The following LRP6 variants were observed in gnomAD, a reference collection of about 807,000 sequenced individuals.
LRP6 encodes the protein low-density lipoprotein receptor-related protein 6.
In LRP6, 43 loss-of-function variants were observed where a neutral mutation model predicts 184.1. The observed-to-expected ratio is 0.23, with a 90% CI of 0.18 to 0.30. The LOEUF is 0.30. Ranked by LOEUF, LRP6 falls within the 10% of genes least tolerant of loss-of-function variation. LRP6 has a pLI of 1.00. For synonymous variants in LRP6, 719 were observed against 684.9 expected, an observed-to-expected ratio of 1.05 and a Z score of -0.78; for missense variants, 1,571 against 2,005.3, an observed-to-expected ratio of 0.78 and a Z score of 4.14.
At chr12:12,230,026 C>T (rs994306816) in intron 2 of LRP6, among the ~76,000 whole-genome samples, 3 of 152,112 alleles carry the variant, frequency 2.0e-5, no homozygotes, top group Non-Finnish European at 1.5e-5. Flanking sequence ...TGTTCATTAG[C>T]GTCCACACAA....
intron 1 of LRP6, among the ~76,000 whole-genome samples, chr12:12,245,518 G>A (rs143443898): frequency 5.6e-4 from 85 of 152,082 alleles, no homozygotes; most frequent in African/African-American, 1.8e-3. Context: ...TGGTTTCGGA[G>A]GTGTAAACAT....
intron 7 of LRP6, among the ~76,000 whole-genome samples, chr12:12,174,550 G>T (rs923650734): frequency 6.6e-6 from 1 of 152,060 alleles, no homozygotes. Flanking sequence ...TTCTTAATGA[G>T]GAATTAATCT....
rs1949873485 is a variant in LRP6 at position 12,138,189 on chromosome 12, G to T, written c.3607+136C>A. On this transcript the variant is annotated intron_variant, in intron 16 of 22. Coordinates refer to ENST00000261349, the MANE Select transcript of LRP6 (RefSeq NM_002336.3). The stretch of plus-strand genomic sequence containing the variant: ...CCGTCTCCAAAAAAAAAAAAGCATG[G>T]AGAGTTCAAAAAAATGGCAAAACTA... 1.8e-5 allele frequency: 14 copies of T among 781,432 alleles called. No homozygotes were observed. The South Asian group carries it at 2.0e-4, about 11-fold the overall frequency. The allele number at this position is 781,432 out of a possible 1,614,324, so 48.4% of individuals were successfully genotyped here.
intron 16 of LRP6, among the ~76,000 whole-genome samples, chr12:12,138,035 G>A (rs1371861076): frequency 1.3e-5 from 2 of 151,904 alleles, no homozygotes; most frequent in Non-Finnish European, 2.9e-5. Context: ...GCGAGGCATG[G>A]TGGCATGCAC....
At chr12:12,128,097 T>A (rs1949698691) in intron 19 of LRP6, among the ~76,000 whole-genome samples, 1 of 152,188 alleles carries the variant, frequency 6.6e-6, no homozygotes. Flanking sequence ...ATAAACTCCC[T>A]GAAATCAGAC....
chr12:12,259,645 T>C (rs1325539087), intron 1 of LRP6, among the ~76,000 whole-genome samples: 1 of 152,200 alleles, frequency 6.6e-6, no homozygotes, highest in East Asian at 1.9e-4. Flanking sequence ...AACAAAAGCA[T>C]ATGTTAATAA....
At chr12:12,261,366 G>A (rs113672063) in intron 1 of LRP6, among the ~76,000 whole-genome samples, 2 of 149,006 alleles carry the variant, frequency 1.3e-5, no homozygotes, top group Non-Finnish European at 3.0e-5. Context: ...TCACGCCGCT[G>A]CACTCCAGCC....
At chr12:12,257,625 A>C (rs1266457494) in intron 1 of LRP6, among the ~76,000 whole-genome samples, 3 of 139,102 alleles carry the variant, frequency 2.2e-5, no homozygotes, top group African/African-American at 5.3e-5. Context: ...GGGCTTAATG[A>C]AAAAAAAAAA....
intron 3 of LRP6, among the ~76,000 whole-genome samples, chr12:12,191,760 G>A (rs1470724680): frequency 6.7e-6 from 1 of 150,374 alleles, no homozygotes; most frequent in Non-Finnish European, 1.5e-5. Context: ...GAAAGAATGA[G>A]AAATACAAAA....
intron 15 of LRP6, among the ~76,000 whole-genome samples, chr12:12,142,529 A>G (rs1411146313): frequency 6.6e-6 from 1 of 152,162 alleles, no homozygotes; most frequent in Non-Finnish European, 1.5e-5. Context: ...ATGAAAGCAT[A>G]ATTATCTGTG....
rs1005648986 is a variant in LRP6, at chr12:12,134,675, T to G, written c.3733+500A>C. ...ACATTCCCAACAATGACACATAAAC[T>G]TAGAGAATCTACAATTTAGTGGAGA... On this transcript the variant is annotated intron_variant, in intron 17 of 22. Coordinates refer to ENST00000261349, the MANE Select transcript of LRP6 (RefSeq NM_002336.3). Among the ~76,000 whole-genome samples the G allele has an allele frequency of 3.9e-5, 6 of 152,280 alleles. 1 individual carries two copies. Among genetic ancestry groups the G allele is most frequent in the Middle Eastern group, 6.8e-3 (2 of 294 alleles).
intron 15 of LRP6, among the ~76,000 whole-genome samples, chr12:12,145,230 T>C (rs191516283): frequency 2.0e-5 from 3 of 151,936 alleles, no homozygotes; most frequent in South Asian, 4.2e-4. Context: ...AAGAATATAC[T>C]ATACCAGGCG....
At chr12:12,249,921 C>G (rs1865285206) in intron 1 of LRP6, among the ~76,000 whole-genome samples, 3 of 152,188 alleles carry the variant, frequency 2.0e-5, no homozygotes. Flanking sequence ...TCTAACCTTA[C>G]TGGCATGCCT....
chr12:12,186,863 A>T, intron 4 of LRP6, 60 bp downstream of exon 4: 2 of 1,412,448 alleles, frequency 1.4e-6, no homozygotes, highest in Non-Finnish European at 2.0e-6. Context: ...CACTAAAGCC[A>T]GACATTAGAG....
chr12:12,170,083 C>T (rs1011309656), intron 7 of LRP6, among the ~76,000 whole-genome samples: 8 of 152,138 alleles, frequency 5.3e-5, no homozygotes, highest in African/African-American at 9.7e-5. Context: ...ACCTGTAATC[C>T]TAGCACTTTG....
At chr12:12,133,015 T>C (rs547641727) in intron 17 of LRP6, among the ~76,000 whole-genome samples, 3 of 152,346 alleles carry the variant, frequency 2.0e-5, no homozygotes, top group South Asian at 2.1e-4. Flanking sequence ...ACAGAGAATA[T>C]TGCAGATTAC....
chr12:12,227,906 A>G (rs535270009), intron 2 of LRP6, among the ~76,000 whole-genome samples: 5 of 152,340 alleles, frequency 3.3e-5, no homozygotes. Flanking sequence ...ATGGTCTTTT[A>G]TTTAAAAAAC....
chr12:12,222,559 T>C (rs1178966692), intron 2 of LRP6, among the ~76,000 whole-genome samples: 1 of 119,846 alleles, frequency 8.3e-6, no homozygotes, highest in Non-Finnish European at 1.8e-5. Context: ...AAAGCAAGAC[T>C]CCGTCTCAAA....
intron 12 of LRP6, chr12:12,155,153 G>T: frequency 2.2e-6 from 1 of 464,712 alleles, no homozygotes; most frequent in Non-Finnish European, 4.0e-6. Flanking sequence ...CCAAGATCAC[G>T]CCACTTTACT....
Sources: allele counts gnomAD v4.1 joint callset (sites outside exome capture counted in the v4.1 genomes callset), GRCh38; gene constraint gnomAD v4.1.1; transcripts MANE v1.5; gene names NCBI Gene and HGNC (gene_info 2026-07-23, HGNC 2026-07-21).